The following IL1RAPL1 variants were observed in gnomAD, a reference collection of about 807,000 sequenced individuals.
IL1RAPL1 encodes the protein interleukin 1 receptor accessory protein like 1.
A neutral mutation model predicts 48.4 loss-of-function variants in IL1RAPL1; 3 were observed. The observed-to-expected ratio is 0.06, with a 90% CI of 0.03 to 0.16. IL1RAPL1 has a LOEUF of 0.16. Ranked by LOEUF, IL1RAPL1 falls within the 10% of genes least tolerant of loss-of-function variation. The pLI is 1.00. For synonymous variants in IL1RAPL1, 185 were observed against 187.7 expected (o/e 0.99, Z 0.12); for missense variants, 349 against 530.6 (o/e 0.66, Z 3.36).
At chrX:29,166,546 G>A (rs1400436330) in intron 2 of IL1RAPL1, among the ~76,000 whole-genome samples, 1 of 111,372 alleles carries the variant, frequency 9.0e-6, no homozygotes, top group Non-Finnish European at 1.9e-5. Flanking sequence ...TGCCTGGTTT[G>A]TTTACTCATC....
chrX:28,603,980 G>A (rs1282015462), intron 1 of IL1RAPL1, among the ~76,000 whole-genome samples: 1 of 112,209 alleles, frequency 8.9e-6, no homozygotes, highest in Non-Finnish European at 1.9e-5. Context: ...AAAGATTTTG[G>A]TTGCATCAAT....
intron 2 of IL1RAPL1, among the ~76,000 whole-genome samples, chrX:29,186,938 A>C (rs1336462772): frequency 9.0e-6 from 1 of 110,857 alleles, no homozygotes; most frequent in African/African-American, 3.3e-5. Context: ...ACATGAACAC[A>C]TGGAGGGGAA....
intron 2 of IL1RAPL1, among the ~76,000 whole-genome samples, chrX:29,039,943 TC>T (rs1443595710): frequency 9.0e-6 from 1 of 110,800 alleles, no homozygotes; most frequent in Admixed American, 9.7e-5. Flanking sequence ...GAGCCATAAA[TC>T]CCCATCCTAA....
At chrX:29,626,201 T>A (rs1274484684) in intron 5 of IL1RAPL1, among the ~76,000 whole-genome samples, 4 of 112,330 alleles carry the variant, frequency 3.6e-5, no homozygotes, top group Non-Finnish European at 7.5e-5. Context: ...TTACTCATAT[T>A]GAGATACAAC....
At chrX:29,220,106 A>G (rs1435578097) in intron 2 of IL1RAPL1, among the ~76,000 whole-genome samples, 1 of 112,004 alleles carries the variant, frequency 8.9e-6, no homozygotes, top group African/African-American at 3.2e-5. Flanking sequence ...TTGTTTCCCT[A>G]ATAATTTATG....
chrX:29,009,168 T>C (rs915119449), intron 2 of IL1RAPL1, among the ~76,000 whole-genome samples: 2 of 111,578 alleles, frequency 1.8e-5, no homozygotes, highest in African/African-American at 6.5e-5. Flanking sequence ...GACAAAAAGA[T>C]GGGAACAATA....
chrX:29,560,732 C>T (rs1302306684), intron 5 of IL1RAPL1, among the ~76,000 whole-genome samples: 1 of 112,037 alleles, frequency 8.9e-6, no homozygotes, highest in African/African-American at 3.2e-5. Context: ...TTTCCATATT[C>T]ATTGAACTTT....
chrX:28,964,444 G>A (rs921196732), intron 2 of IL1RAPL1, among the ~76,000 whole-genome samples: 1 of 111,165 alleles, frequency 9.0e-6, no homozygotes, highest in South Asian at 3.7e-4. Context: ...CATTCATTTT[G>A]TTATGGGTGG....
intron 2 of IL1RAPL1, among the ~76,000 whole-genome samples, chrX:29,179,027 T>C (rs1224274379): frequency 2.0e-3 from 218 of 111,782 alleles, no homozygotes; most frequent in Middle Eastern, 4.6e-3. Context: ...AGTCAGGTAG[T>C]GTGATGCCTC....
At chrX:29,495,783 C>A (rs1171315667) in intron 5 of IL1RAPL1, among the ~76,000 whole-genome samples, 1 of 111,466 alleles carries the variant, frequency 9.0e-6, no homozygotes, top group East Asian at 2.8e-4. Context: ...GCCCAAACAA[C>A]ATGATCGAAT....
chrX:29,269,291 G>A (rs1443908291), intron 2 of IL1RAPL1, among the ~76,000 whole-genome samples: 1 of 111,582 alleles, frequency 9.0e-6, no homozygotes, highest in Middle Eastern at 4.2e-3. Context: ...AGCACTTGAT[G>A]ATCTTTTAAT....
intron 5 of IL1RAPL1, among the ~76,000 whole-genome samples, chrX:29,460,427 G>A (rs998437924): frequency 1.8e-5 from 2 of 111,918 alleles, no homozygotes; most frequent in African/African-American, 6.5e-5. Flanking sequence ...CTGTGGTTGG[G>A]CAATTTCTTC....
chrX:29,613,794 C>T (rs1319851401), intron 5 of IL1RAPL1, among the ~76,000 whole-genome samples: 3 of 89,502 alleles, frequency 3.4e-5, no homozygotes, highest in African/African-American at 8.5e-5. Context: ...GACAGAGTCT[C>T]GCTCTGTTGC....
chrX:29,487,118 C>T, intron 5 of IL1RAPL1, among the ~76,000 whole-genome samples: 1 of 111,596 alleles, frequency 9.0e-6, no homozygotes, highest in Non-Finnish European at 1.9e-5. Flanking sequence ...ATGAATCCTG[C>T]CTATGATAAC....
chrX:29,845,388 G>A lies in IL1RAPL1; in HGVS notation c.779-72076G>A, dbSNP rs78971206. Among the ~76,000 whole-genome samples the A allele has an allele frequency of 3.3e-4, 37 of 111,035 alleles. No homozygotes were observed. In the South Asian group the frequency reaches 5.0e-3, roughly 15 times the overall value. On this transcript the variant is annotated intron_variant, in intron 6 of 10. Transcript: ENST00000378993. ...CCAGAACTATAGTGCTAACCAGGTC[G>A]GGTAGGGAGGGTTTTGTGGGCCATG...
At chrX:29,843,495 T>C (rs112111857) in intron 6 of IL1RAPL1, among the ~76,000 whole-genome samples, 5,501 of 111,773 alleles carry the variant, frequency 0.049, 326 homozygotes, top group African/African-American at 0.17. Context: ...GTGACTGCTA[T>C]AAGAAATTGC....
At position 29,217,775 on chromosome X, in the gene IL1RAPL1, TCTCACACACA is replaced by T. The variant is rs1405576323; in HGVS notation, c.83-65161_83-65152del. 5.0e-3 allele frequency among the ~76,000 whole-genome samples: 345 copies of T among 68,403 alleles called. 3 individuals carry two copies. The highest frequency in any genetic ancestry group is 0.029 in the African/African-American group (291 of 9,912). The allele number at this position is 68,403 out of a possible 115,157, so 59.4% of individuals were successfully genotyped here. Reference sequence around the variant, plus strand: ...CATTTTTTCTCTCTCTCTCTCTCTCTCTCACACACACACACACACACACACACACACACAC... The same window carrying T: ...CATTTTTTCTCTCTCTCTCTCTCTCTCACACACACACACACACACACACAC... On this transcript the variant is annotated intron_variant, in intron 2 of 10. Transcript: ENST00000378993.
chrX:29,175,817 G>A (rs1930003589), intron 2 of IL1RAPL1, among the ~76,000 whole-genome samples: 1 of 80,964 alleles, frequency 1.2e-5, no homozygotes, highest in Admixed American at 1.8e-4. Context: ...CTGCACTCCA[G>A]CCTGGGCAAC....
At chrX:28,790,966 T>G (rs1415185327) in intron 2 of IL1RAPL1, among the ~76,000 whole-genome samples, 1 of 111,808 alleles carries the variant, frequency 8.9e-6, no homozygotes, top group Non-Finnish European at 1.9e-5. Flanking sequence ...TTTGAGATAG[T>G]AGCTATATAT....
Sources: gnomAD v4.1 joint callset for allele counts (sites outside exome capture counted in the v4.1 genomes callset) on GRCh38, gnomAD v4.1.1 for gene constraint, MANE v1.5 for transcripts, NCBI Gene and HGNC (gene_info 2026-07-23, HGNC 2026-07-21) for gene names.